Variants in WDR26 observed in about 807,000 individuals in gnomAD.
WDR26 encodes WD repeat domain 26.
A neutral mutation model predicts 84.1 loss-of-function variants in WDR26; 5 were observed. The observed-to-expected ratio is 0.06, with a 90% CI of 0.03 to 0.13. WDR26 has a LOEUF of 0.13. Among genes scored for constraint, WDR26 ranks in the 10% least tolerant of loss-of-function variants. The probability of loss-of-function intolerance (pLI) is 1.00; values close to 1 mark genes in which losing one functional copy is unlikely to be tolerated. For synonymous variants in WDR26, 415 were observed against 389.6 expected (o/e 1.07, Z -0.77); for missense variants, 642 against 974.9 (o/e 0.66, Z 4.55).
intron 7 of WDR26, among the ~76,000 whole-genome samples, chr1:224,406,828 A>G (rs1238260901): frequency 6.6e-6 from 1 of 151,372 alleles, no homozygotes; most frequent in East Asian, 1.9e-4. Flanking sequence ...CTCCTTTAGA[A>G]ATATTTAACT....
At chr1:224,420,054 G>C (rs1336819114) in intron 4 of WDR26, among the ~76,000 whole-genome samples, 1 of 152,256 alleles carries the variant, frequency 6.6e-6, no homozygotes, top group South Asian at 2.1e-4. Context: ...TGTAGAACTT[G>C]CTCTTAACCA....
At chr1:224,410,019 G>A (rs962887416) in intron 7 of WDR26, among the ~76,000 whole-genome samples, 5 of 151,866 alleles carry the variant, frequency 3.3e-5, no homozygotes, top group Non-Finnish European at 5.9e-5. Context: ...AGTGGCTCAC[G>A]CCTGTAATCC....
At chr1:224,409,054 G>T (rs1483366732) in intron 7 of WDR26, among the ~76,000 whole-genome samples, 7 of 151,938 alleles carry the variant, frequency 4.6e-5, no homozygotes, top group Non-Finnish European at 7.4e-5. Flanking sequence ...AATTACACAG[G>T]GTAGTATATT....
intron 13 of WDR26, among the ~76,000 whole-genome samples, chr1:224,390,751 CAG>C (rs1326191463): frequency 3.3e-5 from 5 of 152,122 alleles, no homozygotes; most frequent in Admixed American, 1.3e-4. Flanking sequence ...GCCTGGGCGA[CAG>C]AGTGAGACTC....
At position 224,434,088 on chromosome 1, in the gene WDR26, T is replaced by C. The variant is rs1165571335; in HGVS notation, c.318A>G (p.Ala106=). The C allele has an allele frequency of 2.3e-5, 33 of 1,444,040 alleles. No homozygotes were observed. The highest frequency in any genetic ancestry group is 2.7e-5 in the Non-Finnish European group (30 of 1,104,030). 89.5% of individuals were successfully genotyped at this position (1,444,040 alleles called of 1,614,324 possible). Residue 106 remains alanine (A), a synonymous_variant, in exon 1 of 14, where the codon GCA becomes GCG. Transcript: ENST00000414423. The stretch of plus-strand genomic sequence containing the variant: ...CGCCGCCACCTCCTCCTCCTCCTCC[T>C]GCCCCATTGGCCTGCATGATGCTGC...
At chr1:224,399,123 T>C (rs1673338911) in intron 9 of WDR26, 89 bp from the exon 10 acceptor site, 1 of 1,285,342 alleles carries the variant, frequency 7.8e-7, no homozygotes, top group Non-Finnish European at 1.0e-6. Flanking sequence ...CACAATATCT[T>C]TTAGTAACAG....
At chr1:224,416,418 G>A (rs750559124) in intron 6 of WDR26, among the ~76,000 whole-genome samples, 4 of 151,826 alleles carry the variant, frequency 2.6e-5, no homozygotes, top group Non-Finnish European at 4.4e-5. Flanking sequence ...AGAAGAGACA[G>A]GGTTTCACCA....
rs1177211502 is a variant in WDR26 at position 224,405,874 on chromosome 1, G to A, written c.1459-1304C>T. On this transcript the variant is annotated intron_variant, in intron 7 of 13. Coordinates refer to ENST00000414423, the MANE Select transcript of WDR26 (RefSeq NM_001379403.1). ...AGCCACTTAAAATTTGTAAGCTAGGGAATATACAGTGTGATATTTGGCTTT... is the reference window on the plus strand; with the variant it reads ...AGCCACTTAAAATTTGTAAGCTAGGAAATATACAGTGTGATATTTGGCTTT... Among the ~76,000 whole-genome samples the A allele has an allele frequency of 2.6e-5, 4 of 152,186 alleles. No individual in the cohort carries two copies. The East Asian group carries it at 7.7e-4, about 29-fold the overall frequency.
chr1:224,433,390 G>T (rs991887768), intron 1 of WDR26, among the ~76,000 whole-genome samples: 1 of 152,034 alleles, frequency 6.6e-6, no homozygotes, highest in Non-Finnish European at 1.5e-5. Context: ...CTGAAGGTGC[G>T]TGGGGAGAAG....
At chr1:224,406,232 A>G (rs1673545612) in intron 7 of WDR26, among the ~76,000 whole-genome samples, 1 of 152,240 alleles carries the variant, frequency 6.6e-6, no homozygotes, top group South Asian at 2.1e-4. Context: ...ATGACAGAAA[A>G]TAACAAAAAA....
rs1673030682 is a variant in WDR26, at chr1:224,388,127, C to CT, written c.*1707_*1708insA. 1 of 72,028 alleles carries CT rather than the reference C, an allele frequency of 1.4e-5. No homozygotes were observed. Among genetic ancestry groups the CT allele is most frequent in the Non-Finnish European group, 3.7e-5 (1 of 27,000 alleles). 4.5% of individuals were successfully genotyped at this position (72,028 alleles called of 1,614,324 possible). A position where few individuals can be genotyped will look rare whatever the true frequency, so the allele number is the denominator to read the frequency against. ...GCCAAATGTGTTTTTCTTTCTTCTC[C>CT]CCTTCCCTGACTTTTCCCTTTCTCC... On this transcript the variant is annotated 3_prime_UTR_variant, in exon 14 of 14. Coordinates refer to ENST00000414423, the MANE Select transcript of WDR26 (RefSeq NM_001379403.1).
chr1:224,403,883 G>A (rs1288388270), intron 8 of WDR26, among the ~76,000 whole-genome samples: 1 of 152,120 alleles, frequency 6.6e-6, no homozygotes, highest in Non-Finnish European at 1.5e-5. Context: ...GCTGCAGTGA[G>A]CCGAGATTGC....
chr1:224,412,788 T>C (rs1673775188), intron 6 of WDR26: 1 of 152,256 alleles, frequency 6.6e-6, no homozygotes, highest in African/African-American at 2.4e-5. Flanking sequence ...ACTTGATTTA[T>C]TTAATTTGAA....
Position 224,429,098 on chromosome 1 carries a change from C to T in WDR26, c.927+2379G>A, listed in dbSNP as rs564468692. 1.1e-4 allele frequency among the ~76,000 whole-genome samples: 17 copies of T among 151,902 alleles called. 1 individual carries two copies. The East Asian group carries it at 3.3e-3, about 29-fold the overall frequency. On this transcript the variant is annotated intron_variant, in intron 3 of 13. Transcript: ENST00000414423. ...CCAATATGGTGAAACCCCATCTACA[C>T]TAAAAATACAAAAATTAGCCGGGCA...
intron 1 of WDR26, 66 bp downstream of exon 1, chr1:224,433,618 C>T (rs1172609000): frequency 1.8e-6 from 2 of 1,096,294 alleles, no homozygotes; most frequent in Non-Finnish European, 2.4e-6. Context: ...CCGCCCCTTC[C>T]CCTACCCCCC....
At chr1:224,394,095 A>G (rs187914022) in intron 12 of WDR26, 82 bp from the exon 13 acceptor site, 3 of 1,076,032 alleles carry the variant, frequency 2.8e-6, no homozygotes, top group East Asian at 5.3e-5. Context: ...CACTACACAC[A>G]GGACTCTTTA....
At chr1:224,407,151 A>AAAAATATATATAT in intron 7 of WDR26, among the ~76,000 whole-genome samples, 3 of 11,876 alleles carry the variant, frequency 2.5e-4, no homozygotes, top group Non-Finnish European at 4.2e-4. Context: ...AAAAAAAAAA[A>AAAAATATATATAT]ATATATATAT....
At chr1:224,411,709 T>C (rs1325471481) in intron 6 of WDR26, 144 bp from the exon 7 acceptor site, 1 of 974,920 alleles carries the variant, frequency 1.0e-6, no homozygotes, top group Admixed American at 3.2e-5. Context: ...TAAATCTTTT[T>C]TTTTTTTTTG....
intron 12 of WDR26, among the ~76,000 whole-genome samples, chr1:224,395,377 A>G (rs1440445242): frequency 6.6e-6 from 1 of 152,186 alleles, no homozygotes; most frequent in Non-Finnish European, 1.5e-5. Flanking sequence ...CCAATGTGCA[A>G]ACTGTCAGTG....
Sources: gnomAD v4.1 joint callset for allele counts (sites outside exome capture counted in the v4.1 genomes callset) on GRCh38, gnomAD v4.1.1 for gene constraint, MANE v1.5 for transcripts, NCBI Gene and HGNC (gene_info 2026-07-23, HGNC 2026-07-21) for gene names.